Variants in UNC13B observed in about 807,000 individuals in gnomAD.
UNC13B encodes the protein unc-13 homolog B.
UNC13B carries 144 observed loss-of-function variants against 211.0 expected under a neutral mutation model. The ratio of observed to expected loss-of-function variants is 0.68; its 90% confidence interval spans 0.60 to 0.78. The LOEUF (loss-of-function observed/expected upper bound fraction) is 0.78. UNC13B is among the 30% of genes least tolerant of loss of function. UNC13B has a pLI of 0.00. For missense variants in UNC13B, 1,777 were observed against 2,002.0 expected (o/e 0.89, Z 2.14); for synonymous variants, 709 against 725.8 (o/e 0.98, Z 0.37).
intron 11 of UNC13B, among the ~76,000 whole-genome samples, chr9:35,336,514 C>T (rs766068104): frequency 6.6e-6 from 1 of 151,826 alleles, no homozygotes; most frequent in Non-Finnish European, 1.5e-5. Flanking sequence ...TTTATTTTTT[C>T]GAGAAAGAGT....
At chr9:35,285,318 A>G (rs1047209732) in intron 7 of UNC13B, among the ~76,000 whole-genome samples, 3 of 152,248 alleles carry the variant, frequency 2.0e-5, no homozygotes, top group Non-Finnish European at 2.9e-5. Flanking sequence ...TTCAAGAATC[A>G]TTGGCATGAG....
At chr9:35,361,427 T>C (rs1001691602) in intron 11 of UNC13B, 5 of 152,068 alleles carry the variant, frequency 3.3e-5, no homozygotes, top group Admixed American at 3.3e-4. Flanking sequence ...TTCCTCAGGG[T>C]CTGGAAAATG....
At chr9:35,353,028 T>G (rs1832817518) in intron 11 of UNC13B, 1 of 1,232,204 alleles carries the variant, frequency 8.1e-7, no homozygotes, top group Non-Finnish European at 1.0e-6. Flanking sequence ...CTCGATATTC[T>G]GAGCTCAAAG....
intron 11 of UNC13B, chr9:35,351,276 A>G: frequency 8.5e-7 from 1 of 1,171,272 alleles, no homozygotes; most frequent in Non-Finnish European, 1.1e-6. Flanking sequence ...TGAGTGCACT[A>G]TTTTCCTTTT....
intron 3 of UNC13B, among the ~76,000 whole-genome samples, chr9:35,234,012 G>A (rs1825354335): frequency 6.6e-6 from 1 of 152,170 alleles, no homozygotes; most frequent in Admixed American, 6.5e-5. Flanking sequence ...ATCTGTTCAA[G>A]TCAAGCTGTT....
intron 11 of UNC13B, among the ~76,000 whole-genome samples, chr9:35,326,113 T>C (rs1830993203): frequency 6.6e-6 from 1 of 152,186 alleles, no homozygotes; most frequent in African/African-American, 2.4e-5. Flanking sequence ...GGTTTCATTT[T>C]CCCCCCATCT....
intron 1 of UNC13B, among the ~76,000 whole-genome samples, chr9:35,175,521 A>G (rs952106428): frequency 6.6e-6 from 1 of 152,218 alleles, no homozygotes; most frequent in Admixed American, 6.5e-5. Context: ...GAATGATCAG[A>G]TGATAGAGGT....
chr9:35,303,511 C>T lies in UNC13B; in HGVS notation c.4107C>T (p.Ser1369=), dbSNP rs1255231005. The T allele has an allele frequency of 5.0e-6, 2 of 398,588 alleles. No homozygotes were observed. Among genetic ancestry groups the T allele is most frequent in the South Asian group, 2.5e-4 (2 of 7,864 alleles). The allele number at this position is 398,588 out of a possible 1,614,324, so 24.7% of individuals were successfully genotyped here. Reference sequence around the variant, plus strand: ...ACATAAAAGATTTGTCTAAAAATTCCAGAAAACTTCAGCCAGTTTATTATA... The same window carrying T: ...ACATAAAAGATTTGTCTAAAAATTCTAGAAAACTTCAGCCAGTTTATTATA... The part of the protein sequence containing the change: ...DSDIKDLSKN[S]RKLQPVYYML... The change falls in exon 9 of 40, where the codon TCC becomes TCT. Residue 1369 remains serine (S), a synonymous_variant. Coordinates refer to ENST00000635942, the MANE Select transcript of UNC13B (RefSeq NM_001371189.2).
chr9:35,313,857 C>G, intron 10 of UNC13B, 42 bp from the exon 11 acceptor site: 1 of 1,516,328 alleles, frequency 6.6e-7, no homozygotes, highest in Non-Finnish European at 9.2e-7. Context: ...CACCTTGTGG[C>G]CTTGGCTATT....
intron 13 of UNC13B, among the ~76,000 whole-genome samples, 160 bp downstream of exon 13, chr9:35,370,556 G>A (rs1834053772): frequency 6.6e-6 from 1 of 152,160 alleles, no homozygotes; most frequent in South Asian, 2.1e-4. Flanking sequence ...GGCTTCACAG[G>A]GACTGTGTTC....
Position 35,306,081 on chromosome 9 carries a change from A to C in UNC13B, c.6677A>C (p.Lys2226Thr). The change falls in exon 9 of 40, where the codon AAG becomes ACG. Residue 2226 changes from lysine to threonine, a missense_variant. Physicochemically the swap from Lys to Thr is moderately conservative, Grantham distance 78 (BLOSUM62 -1). Coordinates refer to ENST00000635942, the MANE Select transcript of UNC13B (RefSeq NM_001371189.2). The part of the protein sequence containing the change: ...FFSLSFLDQK[K>T]ETSGEKQSIS... ...AGCTTGTCCTTTTTGGATCAAAAAAAGGAGACCTCTGGGGAAAAACAAAGC... is the reference window on the plus strand; with the variant it reads ...AGCTTGTCCTTTTTGGATCAAAAAACGGAGACCTCTGGGGAAAAACAAAGC... 2.5e-6 allele frequency: 1 copy of C among 399,064 alleles called. No homozygotes were observed. The highest frequency in any genetic ancestry group is 4.4e-6 in the Non-Finnish European group (1 of 226,064). The allele number at this position is 399,064 out of a possible 1,614,324, so 24.7% of individuals were successfully genotyped here.
chr9:35,198,635 G>A lies in UNC13B; in HGVS notation c.23-29380G>A, dbSNP rs1019527802. On this transcript the variant is annotated intron_variant, in intron 1 of 39. Coordinates refer to ENST00000635942, the MANE Select transcript of UNC13B (RefSeq NM_001371189.2). ...GGGCAGAGGTTGGACGAGTGTGGAGGGCTCAGAAGAAGATAGAAGGATGAG... is the reference window on the plus strand; with the variant it reads ...GGGCAGAGGTTGGACGAGTGTGGAGAGCTCAGAAGAAGATAGAAGGATGAG... Among the ~76,000 whole-genome samples the A allele has an allele frequency of 2.0e-5, 3 of 152,112 alleles. No homozygotes were observed. The East Asian group carries it at 5.8e-4, about 29-fold the overall frequency.
intron 11 of UNC13B, among the ~76,000 whole-genome samples, chr9:35,346,324 CT>C (rs1215857110): frequency 6.6e-5 from 10 of 152,104 alleles, no homozygotes; most frequent in African/African-American, 2.2e-4. Flanking sequence ...CAGAGGTCCC[CT>C]GGTTGTTTCC....
chr9:35,192,871 G>A (rs1286968977), intron 1 of UNC13B, among the ~76,000 whole-genome samples: 4 of 152,160 alleles, frequency 2.6e-5, no homozygotes, highest in Non-Finnish European at 5.9e-5. Context: ...GTGACAAAAA[G>A]GCATCTCTTT....
chr9:35,222,019 G>A (rs1213582448), intron 1 of UNC13B, among the ~76,000 whole-genome samples: 1 of 152,110 alleles, frequency 6.6e-6, no homozygotes, highest in African/African-American at 2.4e-5. Flanking sequence ...TGATCATTAT[G>A]TCTTTTTATG....
At chr9:35,396,819 TG>T in intron 27 of UNC13B, 21 bp from the exon 28 acceptor site, 1 of 1,613,892 alleles carries the variant, frequency 6.2e-7, no homozygotes, top group Non-Finnish European at 8.5e-7. Flanking sequence ...TCTAAGCCCC[TG>T]TTCTCCTGCT....
chr9:35,391,780 A>G (rs75209993), intron 26 of UNC13B, among the ~76,000 whole-genome samples: 4,287 of 152,258 alleles, frequency 0.028, 204 homozygotes, highest in African/African-American at 0.097. Context: ...CCACAAGAGA[A>G]GTAGTGTGAG....
intron 1 of UNC13B, among the ~76,000 whole-genome samples, chr9:35,194,607 G>A (rs775849268): frequency 3.0e-4 from 46 of 152,304 alleles, no homozygotes; most frequent in African/African-American, 1.0e-3. Context: ...CACGCTAACC[G>A]TGTTTTTAAC....
chr9:35,304,725 TAG>T lies in UNC13B; in HGVS notation c.5324_5325del (p.Glu1775GlyfsTer19), dbSNP rs1209683032. The T allele has an allele frequency of 7.8e-5, 31 of 398,772 alleles. No homozygotes were observed. Among genetic ancestry groups the T allele is most frequent in the Non-Finnish European group, 1.3e-4 (29 of 225,968 alleles). The allele number at this position is 398,772 out of a possible 1,614,324, so 24.7% of individuals were successfully genotyped here. A position where few individuals can be genotyped will look rare whatever the true frequency, so the allele number is the denominator to read the frequency against. On this transcript the variant is annotated frameshift_variant, in exon 9 of 40. Coordinates refer to ENST00000635942, the MANE Select transcript of UNC13B (RefSeq NM_001371189.2). LOFTEE classifies it high-confidence loss of function. ...TTGAAGTTTGATAAGAGTGAATCCT[TAG>T]AGGCTTTGGCCATGCAGAAAGTGAA...
Sources: allele counts gnomAD v4.1 joint callset (sites outside exome capture counted in the v4.1 genomes callset), GRCh38; gene constraint gnomAD v4.1.1; transcripts MANE v1.5; gene names NCBI Gene and HGNC (gene_info 2026-07-23, HGNC 2026-07-21).